CPA6: variants seen among roughly 807,000 people sequenced by gnomAD.
CPA6 encodes carboxypeptidase A6, also known as carboxypeptidase B.
A neutral mutation model predicts 63.3 loss-of-function variants in CPA6; 58 were observed. That is an observed-to-expected ratio of 0.92 (90% CI 0.74 to 1.14). CPA6 has a LOEUF of 1.14. Among genes scored for constraint, CPA6 ranks in the 50% most tolerant of loss-of-function variants. CPA6 has a pLI of 0.00. For missense variants in CPA6, 565 were observed against 526.6 expected, an observed-to-expected ratio of 1.07 and a Z score of -0.71; for synonymous variants, 185 against 179.0, an observed-to-expected ratio of 1.03 and a Z score of -0.27.
At chr8:67,735,471 C>A (rs1817793785) in intron 1 of CPA6, 1 of 152,154 alleles carries the variant, frequency 6.6e-6, no homozygotes, top group African/African-American at 2.4e-5. Context: ...TAAGAAGACA[C>A]TAAGATGCTT....
intron 1 of CPA6, among the ~76,000 whole-genome samples, chr8:67,721,510 C>T (rs1563408096): frequency 6.6e-6 from 1 of 152,062 alleles, no homozygotes; most frequent in Non-Finnish European, 1.5e-5. Context: ...ACCTTGTCAC[C>T]CAGATGACTG....
chr8:67,495,124 ACCAG>A (rs1811682400), intron 6 of CPA6, among the ~76,000 whole-genome samples: 1 of 152,016 alleles, frequency 6.6e-6, no homozygotes, highest in African/African-American at 2.4e-5. Context: ...TAATCATTTC[ACCAG>A]CTTAGTGTAG....
At position 67,463,751 on chromosome 8, in the gene CPA6, A is replaced by T. The variant is rs546784054; in HGVS notation, c.838+20017T>A. ...TCTGAGTAGGCAATATTTAGCTCCC[A>T]CTTATAAGTGAGAACATGTGGTATT... is the stretch of plus-strand genomic sequence containing the variant. On this transcript the variant is annotated intron_variant, in intron 8 of 10. Coordinates refer to ENST00000297770, the MANE Select transcript of CPA6 (RefSeq NM_020361.5). 2.2e-4 allele frequency among the ~76,000 whole-genome samples: 33 copies of T among 152,240 alleles called. No individual in the cohort carries two copies. The South Asian group carries it at 6.4e-3, about 30-fold the overall frequency.
At chr8:67,561,652 C>T (rs779638528) in intron 2 of CPA6, among the ~76,000 whole-genome samples, 2 of 151,992 alleles carry the variant, frequency 1.3e-5, no homozygotes, top group Non-Finnish European at 2.9e-5. Context: ...ACTATAAAGG[C>T]CATTATTGGG....
intron 8 of CPA6, among the ~76,000 whole-genome samples, chr8:67,478,978 G>C (rs73262680): frequency 6.6e-6 from 1 of 152,066 alleles, no homozygotes. Flanking sequence ...TTGAGATCAC[G>C]TCACTGCACT....
At chr8:67,588,874 T>G (rs1814022306) in intron 2 of CPA6, among the ~76,000 whole-genome samples, 2 of 152,132 alleles carry the variant, frequency 1.3e-5, no homozygotes, top group Admixed American at 1.3e-4. Flanking sequence ...GGGTGGTGGC[T>G]CATGCGTGTA....
chr8:67,483,312 T>C (rs1811398579), intron 8 of CPA6: 1 of 157,126 alleles, frequency 6.4e-6, no homozygotes, highest in Non-Finnish European at 1.4e-5. Flanking sequence ...ACATTCCCAA[T>C]GTGCATGGTC....
chr8:67,619,070 A>T (rs1304207168), intron 2 of CPA6, among the ~76,000 whole-genome samples: 1 of 152,216 alleles, frequency 6.6e-6, no homozygotes, highest in Non-Finnish European at 1.5e-5. Flanking sequence ...CTATGCTTTG[A>T]CAGTCTCTTC....
At chr8:67,488,981 A>G (rs1025257214) in intron 6 of CPA6, among the ~76,000 whole-genome samples, 2 of 152,242 alleles carry the variant, frequency 1.3e-5, no homozygotes, top group African/African-American at 4.8e-5. Context: ...TAAATATACA[A>G]TCATGTCATC....
intron 1 of CPA6, among the ~76,000 whole-genome samples, chr8:67,740,415 G>C (rs186135431): frequency 6.6e-6 from 1 of 152,284 alleles, no homozygotes; most frequent in Non-Finnish European, 1.5e-5. Context: ...AGACAAAGGT[G>C]GGGGAATAGC....
intron 2 of CPA6, among the ~76,000 whole-genome samples, chr8:67,541,417 C>T (rs1292919892): frequency 6.6e-6 from 1 of 152,090 alleles, no homozygotes; most frequent in Non-Finnish European, 1.5e-5. Flanking sequence ...AAAGATCGAC[C>T]CCTGATCTAA....
intron 1 of CPA6, among the ~76,000 whole-genome samples, chr8:67,685,237 C>T (rs778104215): frequency 6.6e-6 from 1 of 152,170 alleles, no homozygotes; most frequent in Non-Finnish European, 1.5e-5. Flanking sequence ...GAATTATTTT[C>T]TCTATCTTCT....
intron 2 of CPA6, among the ~76,000 whole-genome samples, chr8:67,554,863 C>A (rs184263822): frequency 2.8e-4 from 42 of 152,304 alleles, no homozygotes; most frequent in African/African-American, 8.2e-4. Context: ...ATGGCCCTTG[C>A]CTGCATGGAG....
At chr8:67,683,347 A>G (rs1816639800) in intron 1 of CPA6, among the ~76,000 whole-genome samples, 1 of 152,116 alleles carries the variant, frequency 6.6e-6, no homozygotes, top group African/African-American at 2.4e-5. Flanking sequence ...TCATCATATC[A>G]CTTGACATTT....
intron 1 of CPA6, among the ~76,000 whole-genome samples, chr8:67,713,119 A>G (rs566806142): frequency 0.041 from 5,249 of 126,958 alleles, 355 homozygotes; most frequent in Non-Finnish European, 0.052. Context: ...ATATATATAT[A>G]TATATATATA....
chr8:67,540,158 A>C (rs1587538170), intron 2 of CPA6, among the ~76,000 whole-genome samples: 5 of 147,718 alleles, frequency 3.4e-5, no homozygotes, highest in Admixed American at 3.4e-4. Context: ...TTGGTCTTTG[A>C]TGTTGGTGAC....
chr8:67,557,300 A>C (rs1247854605), intron 2 of CPA6, among the ~76,000 whole-genome samples: 1 of 152,164 alleles, frequency 6.6e-6, no homozygotes, highest in Non-Finnish European at 1.5e-5. Flanking sequence ...TTCTCTATTG[A>C]ACATCTGTGC....
At chr8:67,628,779 T>G (rs1815251235) in intron 1 of CPA6, among the ~76,000 whole-genome samples, 1 of 152,238 alleles carries the variant, frequency 6.6e-6, no homozygotes, top group Admixed American at 6.5e-5. Context: ...ATAAACTAAC[T>G]GATAGAAGCA....
At chr8:67,457,285 C>T (rs1810697382) in intron 8 of CPA6, among the ~76,000 whole-genome samples, 1 of 152,174 alleles carries the variant, frequency 6.6e-6, no homozygotes, top group Non-Finnish European at 1.5e-5. Context: ...GCATACTGCT[C>T]TTAAAAATTT....
Sources: allele counts gnomAD v4.1 joint callset (sites outside exome capture counted in the v4.1 genomes callset), GRCh38; gene constraint gnomAD v4.1.1; transcripts MANE v1.5; gene names NCBI Gene and HGNC (gene_info 2026-07-23, HGNC 2026-07-21).